The following THEMIS variants were observed in gnomAD, a reference collection of about 807,000 sequenced individuals.
THEMIS encodes protein THEMIS.
THEMIS carries 37 observed loss-of-function variants against 52.6 expected under a neutral mutation model. The ratio of observed to expected loss-of-function variants is 0.70; its 90% CI spans 0.54 to 0.93. The LOEUF is 0.93. Among genes scored for constraint, THEMIS ranks in the 40% least tolerant of loss-of-function variants. The pLI is 0.00. For synonymous variants in THEMIS, 292 were observed against 272.7 expected (o/e 1.07, Z -0.70); for missense variants, 808 against 763.1 (o/e 1.06, Z -0.69).
chr6:127,827,455 A>T (rs1778545202), intron 3 of THEMIS, among the ~76,000 whole-genome samples: 1 of 152,254 alleles, frequency 6.6e-6, no homozygotes, highest in South Asian at 2.1e-4. Flanking sequence ...AATTTAATTT[A>T]AATAGCATTA....
the THEMIS span, among the ~76,000 whole-genome samples, chr6:127,701,704 A>AT: frequency 4.6e-5 from 7 of 151,980 alleles, no homozygotes; most frequent in Admixed American, 2.0e-4. Flanking sequence ...CAAAACGTTC[A>AT]TTTTTTGAAA....
intron 4 of THEMIS, among the ~76,000 whole-genome samples, chr6:127,796,592 T>C (rs1366670660): frequency 2.0e-5 from 3 of 152,144 alleles, no homozygotes; most frequent in African/African-American, 7.2e-5. Flanking sequence ...GGAGGAAGCA[T>C]TGCCAAAACT....
At chr6:127,870,573 A>G (rs1583377840) in intron 1 of THEMIS, among the ~76,000 whole-genome samples, 1 of 152,334 alleles carries the variant, frequency 6.6e-6, no homozygotes, top group East Asian at 1.9e-4. Flanking sequence ...GGATTAAAAA[A>G]CATAACCCAA....
intron 4 of THEMIS, among the ~76,000 whole-genome samples, chr6:127,779,558 A>G (rs1776676757): frequency 6.6e-6 from 1 of 152,174 alleles, no homozygotes; most frequent in East Asian, 1.9e-4. Flanking sequence ...AAAATATACT[A>G]TATTGCACAG....
At position 127,813,061 on chromosome 6, in the gene THEMIS, A is replaced by G. The variant is rs1777971882; in HGVS notation, c.1580T>C (p.Leu527Pro). 4 of 1,614,172 alleles carry G rather than the reference A, an allele frequency of 2.5e-6. No homozygotes were observed. Among genetic ancestry groups the G allele is most frequent in the African/African-American group, 2.7e-5 (2 of 75,052 alleles). Residue 527 changes from leucine to proline, a missense_variant, in exon 4 of 6, where the codon CTA becomes CCA. Coordinates refer to ENST00000368248, the MANE Select transcript of THEMIS (RefSeq NM_001010923.3). ...SNFSRDAEPF[L>P]VRTLVEEITE... ...GATCTCTTCTACCAGAGTCCTGACTAGAAATGGTTCTGCATCCCTAGAGAA... is the reference window on the plus strand; with the variant it reads ...GATCTCTTCTACCAGAGTCCTGACTGGAAATGGTTCTGCATCCCTAGAGAA...
Position 127,829,635 on chromosome 6 carries a change from G to C in THEMIS, c.550C>G (p.Leu184Val), listed in dbSNP as rs768345674. 3 of 1,614,016 alleles carry C rather than the reference G, an allele frequency of 1.9e-6. No homozygotes were observed. Among genetic ancestry groups the C allele is most frequent in the East Asian group, 2.2e-5 (1 of 44,856 alleles). ...ATCTTCCATTCAACAATCTCCTTTA[G>C]AGTGTAAATACGTTCATCTTCACAC... ...YECEDERIYTLKEIVEWKIPK... is the reference protein window; with the variant it reads ...YECEDERIYTVKEIVEWKIPK... The change falls in exon 3 of 6, where the codon CTA (leucine) becomes GTA (valine). Residue 184 changes from leucine to valine, a missense_variant. Physicochemically the swap from Leu to Val is conservative, Grantham distance 32 (BLOSUM62 1). Coordinates refer to ENST00000368248, the MANE Select transcript of THEMIS (RefSeq NM_001010923.3).
At chr6:127,739,103 T>C (rs1163025843) in intron 4 of THEMIS, among the ~76,000 whole-genome samples, 1 of 152,180 alleles carries the variant, frequency 6.6e-6, no homozygotes, top group Non-Finnish European at 1.5e-5. Flanking sequence ...AGCCTCTCTC[T>C]TCTAAGAATA....
rs543129735 is a variant in THEMIS, at chr6:127,794,026, A to G, written c.1758+18857T>C. 2.0e-5 allele frequency among the ~76,000 whole-genome samples: 3 copies of G among 152,342 alleles called. No individual in the cohort carries two copies. In the East Asian group the frequency reaches 5.8e-4, roughly 29 times the overall value. Reference sequence around the variant, plus strand: ...CTAAAAGAAGATCATTCTGTTAATAACAGAACCCAGGTAGAAATAAGCTAA... The same window carrying G: ...CTAAAAGAAGATCATTCTGTTAATAGCAGAACCCAGGTAGAAATAAGCTAA... On this transcript the variant is annotated intron_variant, in intron 4 of 5. Coordinates refer to ENST00000368248, the MANE Select transcript of THEMIS (RefSeq NM_001010923.3).
intron 4 of THEMIS, among the ~76,000 whole-genome samples, chr6:127,793,038 G>A (rs779015840): frequency 6.6e-6 from 1 of 152,076 alleles, no homozygotes; most frequent in East Asian, 1.9e-4. Context: ...ATTTCTCAAC[G>A]GCAAATAGAG....
intron 4 of THEMIS, among the ~76,000 whole-genome samples, chr6:127,733,681 G>A (rs1407639315): frequency 6.6e-6 from 1 of 152,188 alleles, no homozygotes; most frequent in Admixed American, 6.5e-5. Context: ...TCTCTATGGA[G>A]TAATCTTCCT....
At chr6:127,787,275 C>T (rs981266784) in intron 4 of THEMIS, among the ~76,000 whole-genome samples, 9 of 149,938 alleles carry the variant, frequency 6.0e-5, no homozygotes, top group South Asian at 2.1e-4. Flanking sequence ...CATGTGTGCA[C>T]GCACACACAC....
intron 1 of THEMIS, among the ~76,000 whole-genome samples, chr6:127,863,252 A>G (rs1050725256): frequency 1.3e-5 from 2 of 152,164 alleles, no homozygotes; most frequent in Admixed American, 6.6e-5. Flanking sequence ...ATTGCATCTC[A>G]GCAGGAAAAT....
At chr6:127,848,182 T>C in intron 2 of THEMIS, among the ~76,000 whole-genome samples, 1 of 151,232 alleles carries the variant, frequency 6.6e-6, no homozygotes, top group East Asian at 2.0e-4. Context: ...TGTTTGGTTT[T>C]TTTGTCCTTG....
chr6:127,912,224 T>C (rs1781428781), intron 1 of THEMIS, among the ~76,000 whole-genome samples: 1 of 152,312 alleles, frequency 6.6e-6, no homozygotes, highest in Non-Finnish European at 1.5e-5. Flanking sequence ...CCCCTTTGTT[T>C]TGGCCAATTT....
At chr6:127,865,370 T>C (rs1461697970) in intron 1 of THEMIS, among the ~76,000 whole-genome samples, 1 of 152,126 alleles carries the variant, frequency 6.6e-6, no homozygotes, top group Non-Finnish European at 1.5e-5. Flanking sequence ...AGACCAGTCC[T>C]TTCTTTGGAA....
chr6:127,783,905 T>G (rs1038460708), intron 4 of THEMIS, among the ~76,000 whole-genome samples: 2 of 152,232 alleles, frequency 1.3e-5, no homozygotes, highest in Non-Finnish European at 2.9e-5. Flanking sequence ...CAAAGGATTA[T>G]AAATCATTCT....
At position 127,719,669 on chromosome 6, in the gene THEMIS, C is replaced by A. The variant is rs1351453912; in HGVS notation, c.1894+19G>T. ...AGTTAAACCACCGTGGTTTAACTGACCTATAGTCACATCAGTACCTGCTAT... is the reference window on the plus strand; with the variant it reads ...AGTTAAACCACCGTGGTTTAACTGAACTATAGTCACATCAGTACCTGCTAT... On this transcript the variant is annotated intron_variant, in intron 5 of 5. Transcript: ENST00000368248. 22 of 1,598,524 alleles carry A rather than the reference C, an allele frequency of 1.4e-5. No individual in the cohort carries two copies. The highest frequency in any genetic ancestry group is 1.8e-5 in the Non-Finnish European group (21 of 1,173,796).
At position 127,829,645 on chromosome 6, in the gene THEMIS, A is replaced by G. The variant is rs376698574; in HGVS notation, c.540T>C (p.Arg180=). The G allele has an allele frequency of 5.2e-4, 832 of 1,613,978 alleles. 5 individuals carry two copies. The highest frequency in any genetic ancestry group is 2.6e-4 in the Non-Finnish European group (302 of 1,180,020). The change falls in exon 3 of 6, where the codon CGT becomes CGC. Residue 180 remains arginine (R), a synonymous_variant. Coordinates refer to ENST00000368248, the MANE Select transcript of THEMIS (RefSeq NM_001010923.3). ...EGEFYECEDE[R]IYTLKEIVEW... ...CAACAATCTCCTTTAGAGTGTAAATACGTTCATCTTCACACTCGTAGAATT... is the reference window on the plus strand; with the variant it reads ...CAACAATCTCCTTTAGAGTGTAAATGCGTTCATCTTCACACTCGTAGAATT...
At chr6:127,774,727 C>T (rs1275223533) in intron 4 of THEMIS, among the ~76,000 whole-genome samples, 2 of 152,182 alleles carry the variant, frequency 1.3e-5, no homozygotes. Flanking sequence ...CAAAATAACA[C>T]TTACCAATCT....
Sources: allele counts gnomAD v4.1 joint callset (sites outside exome capture counted in the v4.1 genomes callset), GRCh38; gene constraint gnomAD v4.1.1; transcripts MANE v1.5; gene names NCBI Gene and HGNC (gene_info 2026-07-23, HGNC 2026-07-21).